OSBP2: variants seen among roughly 807,000 people sequenced by gnomAD.
The protein encoded by OSBP2 is oxysterol binding protein 2.
In OSBP2, 66 loss-of-function variants were observed where a neutral mutation model predicts 96.0. The ratio of observed to expected loss-of-function variants is 0.69; its 90% CI spans 0.56 to 0.84. The LOEUF is 0.84. Among genes scored for constraint, OSBP2 ranks in the 40% least tolerant of loss-of-function variants. The pLI is 0.00. For missense variants in OSBP2, 1,038 were observed against 1,222.7 expected (o/e 0.85, Z 2.25); for synonymous variants, 525 against 520.9 (o/e 1.01, Z -0.11).
In OSBP2 at chr22:30,893,729, G is replaced by A. The variant is rs548187834; in HGVS notation, c.2186G>A (p.Arg729Gln). Residue 729 changes from arginine (R) to glutamine (Q), a missense_variant, in exon 11 of 14, where the codon CGG becomes CAG. By Grantham distance (43) the Arg-to-Gln change is conservative (BLOSUM62 1). Around this residue, in one of 3 missense-constraint regions of OSBP2, gnomAD observed 737 missense variants for 913.3 expected, o/e 0.81. Coordinates refer to ENST00000332585, the MANE Select transcript of OSBP2 (RefSeq NM_030758.4). ...AGCTACTTCTCCAAAGAGGCAGCCCGGAAGGTAAGCAGGACCAGCCACCTC... is the reference window on the plus strand; with the variant it reads ...AGCTACTTCTCCAAAGAGGCAGCCCAGAAGGTAAGCAGGACCAGCCACCTC... Reference protein sequence around the residue: ...PYSYFSKEAARKVTGVVSDSQ... With the variant: ...PYSYFSKEAAQKVTGVVSDSQ... 16 of 1,614,050 alleles carry A rather than the reference G, an allele frequency of 9.9e-6. No individual in the cohort carries two copies. Among genetic ancestry groups the A allele is most frequent in the East Asian group, 4.5e-5 (2 of 44,892 alleles).
chr22:30,741,401 A>G (rs1479443126), intron 2 of OSBP2, 32 bp downstream of exon 2: 1 of 1,545,550 alleles, frequency 6.5e-7, no homozygotes, highest in Non-Finnish European at 8.8e-7. Flanking sequence ...GGGTGTGTAT[A>G]TGGTGGTGTC....
intron 1 of OSBP2, among the ~76,000 whole-genome samples, chr22:30,733,265 C>T (rs1322290375): frequency 6.6e-6 from 1 of 152,148 alleles, no homozygotes; most frequent in African/African-American, 2.4e-5. Context: ...GGGGAGGATG[C>T]AAAGTAACAT....
chr22:30,869,288 C>A (rs1474784909), intron 2 of OSBP2, among the ~76,000 whole-genome samples: 1 of 152,228 alleles, frequency 6.6e-6, no homozygotes, highest in Non-Finnish European at 1.5e-5. Flanking sequence ...GGGTGGCCAG[C>A]CAGGCAGTGT....
chr22:30,716,375 A>G (rs922762508), intron 1 of OSBP2, among the ~76,000 whole-genome samples: 1 of 152,040 alleles, frequency 6.6e-6, no homozygotes, highest in Non-Finnish European at 1.5e-5. Context: ...GATCGTTTGT[A>G]TAACATCTTT....
At chr22:30,694,768 G>A (rs2088989268), upstream of OSBP2, 1 of 572,704 alleles carries the variant, frequency 1.7e-6, no homozygotes, top group Non-Finnish European at 2.2e-6. Flanking sequence ...GGCGCTGACG[G>A]GCACGGAGCG....
chr22:30,759,561 A>G (rs1358858495), intron 2 of OSBP2, among the ~76,000 whole-genome samples: 1 of 152,226 alleles, frequency 6.6e-6, no homozygotes, highest in Non-Finnish European at 1.5e-5. Flanking sequence ...TACATAATAC[A>G]TAAAAGGAAT....
chr22:30,790,309 G>A (rs776671944), intron 2 of OSBP2, among the ~76,000 whole-genome samples: 1 of 152,066 alleles, frequency 6.6e-6, no homozygotes, highest in East Asian at 1.9e-4. Context: ...AAGGAGGGGG[G>A]GGCGGGGAAA....
At chr22:30,728,356 C>G (rs1292569928) in intron 1 of OSBP2, among the ~76,000 whole-genome samples, 6 of 147,512 alleles carry the variant, frequency 4.1e-5, no homozygotes, top group Non-Finnish European at 8.9e-5. Flanking sequence ...GATCGCGCCA[C>G]TGCACTCCAG....
intron 2 of OSBP2, among the ~76,000 whole-genome samples, chr22:30,820,981 A>T (rs2038259910): frequency 6.6e-6 from 1 of 152,200 alleles, no homozygotes; most frequent in Non-Finnish European, 1.5e-5. Flanking sequence ...TATTTGAAAA[A>T]GCTTTAAATT....
At chr22:30,812,710 G>A (rs773229633) in intron 2 of OSBP2, among the ~76,000 whole-genome samples, 4 of 152,272 alleles carry the variant, frequency 2.6e-5, no homozygotes, top group Non-Finnish European at 2.9e-5. Context: ...AAAATTGTCA[G>A]CCAAAAATAA....
intron 1 of OSBP2, among the ~76,000 whole-genome samples, chr22:30,708,669 G>A (rs946019260): frequency 2.0e-5 from 3 of 149,542 alleles, no homozygotes; most frequent in Non-Finnish European, 4.5e-5. Context: ...TTTAATTTTT[G>A]TAGAGACGAG....
intron 3 of OSBP2, among the ~76,000 whole-genome samples, chr22:30,878,495 G>C (rs2039632595): frequency 6.6e-6 from 1 of 152,220 alleles, no homozygotes; most frequent in South Asian, 2.1e-4. Flanking sequence ...GGGCCTTGCT[G>C]TCTGACGCCC....
chr22:30,815,509 C>G (rs186181341), intron 2 of OSBP2, among the ~76,000 whole-genome samples: 1 of 152,284 alleles, frequency 6.6e-6, no homozygotes, highest in African/African-American at 2.4e-5. Context: ...TTTACTGTTG[C>G]AGTGGGAAAG....
chr22:30,800,975 G>A (rs988375388), intron 2 of OSBP2, among the ~76,000 whole-genome samples: 18 of 152,182 alleles, frequency 1.2e-4, no homozygotes, highest in African/African-American at 3.9e-4. Context: ...TCGTCTTCTG[G>A]AAGGTGGGGT....
intron 1 of OSBP2, among the ~76,000 whole-genome samples, chr22:30,738,840 G>A (rs888567144): frequency 6.6e-6 from 1 of 152,188 alleles, no homozygotes; most frequent in Non-Finnish European, 1.5e-5. Flanking sequence ...GGGATTACAG[G>A]CGTGAGCCAC....
At chr22:30,752,031 C>T (rs954350234) in intron 2 of OSBP2, among the ~76,000 whole-genome samples, 5 of 152,124 alleles carry the variant, frequency 3.3e-5, no homozygotes, top group Non-Finnish European at 4.4e-5. Flanking sequence ...CAAGCTGGGA[C>T]GGTAGCCCTT....
At position 30,889,443 on chromosome 22, in the gene OSBP2, C is replaced by T. The variant is rs773559948; in HGVS notation, c.1477-47C>T. On this transcript the variant is annotated intron_variant, in intron 6 of 13. Transcript: ENST00000332585. ...GGCAGAAACTTGGAAGCCAAGGGGG[C>T]GCTCTGGCCTCTGCTGACGGTGAGG... is the stretch of plus-strand genomic sequence containing the variant. 23 of 1,607,546 alleles carry T rather than the reference C, an allele frequency of 1.4e-5. No individual in the cohort carries two copies. The South Asian group carries it at 2.0e-4, about 14-fold the overall frequency.
At chr22:30,836,097 C>T (rs1452913713) in intron 2 of OSBP2, among the ~76,000 whole-genome samples, 2 of 152,152 alleles carry the variant, frequency 1.3e-5, no homozygotes, top group Non-Finnish European at 1.5e-5. Flanking sequence ...TCCTCTGATC[C>T]ACTCTACCAC....
At chr22:30,698,457 T>G (rs1030389442) in intron 1 of OSBP2, among the ~76,000 whole-genome samples, 13 of 150,916 alleles carry the variant, frequency 8.6e-5, no homozygotes, top group Non-Finnish European at 1.8e-4. Flanking sequence ...TTTTTTTTTT[T>G]GAGACAGAGT....
Sources: gnomAD v4.1 joint callset for allele counts (sites outside exome capture counted in the v4.1 genomes callset) on GRCh38, gnomAD v4.1.1 for gene constraint, gnomAD v4.1.1 regional missense constraint, MANE v1.5 for transcripts, NCBI Gene and HGNC (gene_info 2026-07-23, HGNC 2026-07-21) for gene names.